Variants in DOCK10 observed in about 807,000 individuals in gnomAD.
The protein encoded by DOCK10 is dedicator of cytokinesis protein 10.
In DOCK10, 145 loss-of-function variants were observed where a neutral mutation model predicts 280.1. That is an observed-to-expected ratio of 0.52 (90% CI 0.45 to 0.59). The LOEUF is 0.59. Ranked by LOEUF, DOCK10 falls within the 20% of genes least tolerant of loss-of-function variation. DOCK10 has a pLI of 0.00. For synonymous variants in DOCK10, 915 were observed against 942.2 expected (o/e 0.97, Z 0.53); for missense variants, 2,368 against 2,651.7 (o/e 0.89, Z 2.35).
rs925372549 is a variant in DOCK10, at chr2:224,982,421, A to G, written c.124-50753T>C. 77 of 1,230,914 alleles carry G rather than the reference A, an allele frequency of 6.3e-5. No individual in the cohort carries two copies. In the African/African-American group the frequency reaches 1.1e-3, roughly 17 times the overall value. 76.2% of individuals were successfully genotyped at this position (1,230,914 alleles called of 1,614,324 possible). On this transcript the variant is annotated intron_variant, in intron 1 of 55. Coordinates refer to ENST00000258390, the MANE Select transcript of DOCK10 (RefSeq NM_014689.3). ...CTTCTATGTTGATGCTATGTTTGCA[A>G]AACAGTGGCTCCTTGTCCCTGAAAA...
chr2:224,862,539 A>G, intron 14 of DOCK10, 125 bp downstream of exon 14: 1 of 703,290 alleles, frequency 1.4e-6, no homozygotes, highest in Non-Finnish European at 2.5e-6. Context: ...GAAGATGACC[A>G]TATTAGGATT....
chr2:224,928,082 T>C (rs1033871411), intron 2 of DOCK10, among the ~76,000 whole-genome samples: 1 of 152,180 alleles, frequency 6.6e-6, no homozygotes, highest in Admixed American at 6.5e-5. Flanking sequence ...ATGACATGCT[T>C]GCTGACTGCA....
intron 1 of DOCK10, chr2:224,983,359 T>G (rs1186082790): frequency 5.7e-6 from 1 of 176,770 alleles, no homozygotes; most frequent in East Asian, 1.4e-4. Context: ...TGAAAGGGAA[T>G]AGGGCAGCTG....
At chr2:224,823,764 G>A in intron 27 of DOCK10, 117 bp from the exon 28 acceptor site, 1 of 935,830 alleles carries the variant, frequency 1.1e-6, no homozygotes, top group Non-Finnish European at 1.5e-6. Context: ...GAATCCTTTT[G>A]AAAACTTGAA....
At chr2:225,002,082 T>A (rs976350878) in intron 1 of DOCK10, among the ~76,000 whole-genome samples, 9 of 152,146 alleles carry the variant, frequency 5.9e-5, no homozygotes, top group Non-Finnish European at 1.5e-5. Flanking sequence ...TCTAAGCTAT[T>A]TGACCTGGGC....
chr2:224,848,781 GC>G (rs1696532311), intron 19 of DOCK10, among the ~76,000 whole-genome samples: 1 of 152,120 alleles, frequency 6.6e-6, no homozygotes, highest in South Asian at 2.1e-4. Context: ...CATGTTATAA[GC>G]CATGGAATTG....
At chr2:224,825,440 T>A (rs1268181127) in intron 27 of DOCK10, among the ~76,000 whole-genome samples, 3 of 152,328 alleles carry the variant, frequency 2.0e-5, no homozygotes, top group African/African-American at 4.8e-5. Flanking sequence ...ATTTTTAAAT[T>A]CTCTTCCATA....
intron 2 of DOCK10, among the ~76,000 whole-genome samples, chr2:224,922,194 A>AT (rs1559771637): frequency 6.6e-6 from 1 of 151,550 alleles, no homozygotes; most frequent in African/African-American, 2.4e-5. Context: ...ACTTCTTCTC[A>AT]TTTTAGATCT....
At chr2:224,876,699 T>C (rs1284606180) in intron 7 of DOCK10, among the ~76,000 whole-genome samples, 1 of 152,138 alleles carries the variant, frequency 6.6e-6, no homozygotes, top group East Asian at 1.9e-4. Context: ...GCAGCAGAAT[T>C]AACACAATGG....
intron 1 of DOCK10, among the ~76,000 whole-genome samples, chr2:225,036,112 C>T (rs1025118929): frequency 6.6e-6 from 1 of 152,184 alleles, no homozygotes; most frequent in Admixed American, 6.5e-5. Context: ...ATTCGCCTCA[C>T]TCTGAAACAC....
At chr2:225,004,670 T>A (rs1002674510) in intron 1 of DOCK10, among the ~76,000 whole-genome samples, 1 of 152,236 alleles carries the variant, frequency 6.6e-6, no homozygotes, top group Non-Finnish European at 1.5e-5. Context: ...GCTCTAGGCA[T>A]GAAGCCACAT....
intron 2 of DOCK10, among the ~76,000 whole-genome samples, chr2:224,921,110 A>ATATATGT (rs1185460802): frequency 1.4e-5 from 1 of 69,644 alleles, no homozygotes; most frequent in African/African-American, 1.1e-4. Context: ...AAAAAAAAAA[A>ATATATGT]AAATATATAT....
chr2:225,027,861 T>A (rs1223851975), intron 1 of DOCK10, among the ~76,000 whole-genome samples: 1 of 152,180 alleles, frequency 6.6e-6, no homozygotes, highest in Admixed American at 6.5e-5. Context: ...CTACTAATTT[T>A]ACAAGGATAA....
chr2:224,995,420 C>T (rs1350448074), intron 1 of DOCK10, among the ~76,000 whole-genome samples: 2 of 152,214 alleles, frequency 1.3e-5, no homozygotes, highest in Non-Finnish European at 2.9e-5. Context: ...CTAATGTCAA[C>T]ACATATAATT....
intron 52 of DOCK10, among the ~76,000 whole-genome samples, chr2:224,774,691 A>G (rs953164020): frequency 3.3e-5 from 5 of 152,334 alleles, no homozygotes; most frequent in African/African-American, 1.2e-4. Flanking sequence ...ATAGGTATGC[A>G]AAGCAACTCT....
intron 1 of DOCK10, among the ~76,000 whole-genome samples, chr2:224,936,011 T>A (rs941887047): frequency 2.0e-5 from 3 of 152,146 alleles, no homozygotes; most frequent in Non-Finnish European, 4.4e-5. Context: ...GGTAGGCTAG[T>A]GGAGATTATA....
At chr2:224,974,803 TATATATTATATATATA>T (rs1365572551) in intron 1 of DOCK10, among the ~76,000 whole-genome samples, 3 of 132,122 alleles carry the variant, frequency 2.3e-5, no homozygotes, top group East Asian at 4.1e-4. Context: ...ATATATATCA[TATATATTATATATATA>T]ATATATATAT....
At chr2:224,964,975 A>T (rs1325978669) in intron 1 of DOCK10, among the ~76,000 whole-genome samples, 4 of 152,246 alleles carry the variant, frequency 2.6e-5, no homozygotes, top group Admixed American at 6.5e-5. Flanking sequence ...TCCGCAGCAA[A>T]CATACTTCTC....
intron 1 of DOCK10, among the ~76,000 whole-genome samples, chr2:225,017,567 A>G (rs567741036): frequency 5.7e-4 from 87 of 152,194 alleles, no homozygotes; most frequent in African/African-American, 2.0e-3. Flanking sequence ...TTCAACATAC[A>G]TCCTTCTCCA....
Sources: gnomAD v4.1 joint callset for allele counts (sites outside exome capture counted in the v4.1 genomes callset) on GRCh38, gnomAD v4.1.1 for gene constraint, MANE v1.5 for transcripts, NCBI Gene and HGNC (gene_info 2026-07-23, HGNC 2026-07-21) for gene names.